Variants in TBC1D5 observed in about 807,000 individuals in gnomAD.
The protein encoded by TBC1D5 is TBC1 domain family member 5.
Under a neutral mutation model 100.3 loss-of-function variants are expected in TBC1D5, and 75 were observed. The ratio of observed to expected loss-of-function variants is 0.75; its 90% confidence interval spans 0.62 to 0.91. TBC1D5 has a LOEUF of 0.91. Among genes scored for constraint, TBC1D5 ranks in the 40% least tolerant of loss-of-function variants. TBC1D5 has a pLI of 0.00. For missense variants in TBC1D5, 910 were observed against 942.4 expected, an observed-to-expected ratio of 0.97 and a Z score of 0.45; for synonymous variants, 323 against 325.6, an observed-to-expected ratio of 0.99 and a Z score of 0.09.
chr3:17,354,524 T>C (rs930762651), intron 13 of TBC1D5, among the ~76,000 whole-genome samples: 2 of 152,110 alleles, frequency 1.3e-5, no homozygotes, highest in Non-Finnish European at 2.9e-5. Flanking sequence ...TGCTGTTAAA[T>C]ACCAGCTGGT....
intron 8 of TBC1D5, among the ~76,000 whole-genome samples, chr3:17,388,087 T>C (rs78538649): frequency 0.022 from 3,416 of 152,150 alleles, 122 homozygotes; most frequent in African/African-American, 0.077. Flanking sequence ...AAGTAGTCCA[T>C]AATGGAATTT....
At chr3:17,320,027 C>T (rs1318146270) in intron 13 of TBC1D5, among the ~76,000 whole-genome samples, 1 of 152,120 alleles carries the variant, frequency 6.6e-6, no homozygotes, top group African/African-American at 2.4e-5. Flanking sequence ...TGTATAGTAA[C>T]TTAAATAGTC....
intron 2 of TBC1D5, chr3:17,561,987 T>C (rs2096562178): frequency 6.6e-6 from 1 of 152,102 alleles, no homozygotes; most frequent in African/African-American, 2.4e-5. Flanking sequence ...AAAAAAACTT[T>C]GTTTCAATTA....
At chr3:17,495,894 A>C (rs1016579434) in intron 3 of TBC1D5, among the ~76,000 whole-genome samples, 1 of 152,258 alleles carries the variant, frequency 6.6e-6, no homozygotes, top group African/African-American at 2.4e-5. Context: ...TATTACAACT[A>C]AACTCTATTA....
intron 18 of TBC1D5, among the ~76,000 whole-genome samples, chr3:17,213,106 A>G (rs1464884726): frequency 6.6e-6 from 1 of 152,146 alleles, no homozygotes; most frequent in Non-Finnish European, 1.5e-5. Flanking sequence ...ACCTTACCTT[A>G]TATTTTTCTG....
At chr3:17,708,158 T>C (rs145352795) in intron 1 of TBC1D5, among the ~76,000 whole-genome samples, 4 of 152,334 alleles carry the variant, frequency 2.6e-5, no homozygotes, top group Admixed American at 6.5e-5. Flanking sequence ...ATTTTCCACA[T>C]TGTCAGTTAC....
chr3:17,654,836 G>A (rs2065905411), intron 1 of TBC1D5, among the ~76,000 whole-genome samples: 4 of 152,100 alleles, frequency 2.6e-5, no homozygotes, highest in African/African-American at 9.7e-5. Context: ...CACAATTTCA[G>A]AGCCTGTTAT....
intron 4 of TBC1D5, among the ~76,000 whole-genome samples, chr3:17,419,905 C>T (rs2094167847): frequency 6.6e-6 from 1 of 151,440 alleles, no homozygotes. Flanking sequence ...TGCTTTTTGC[C>T]CAGGCTGGTC....
chr3:17,619,170 T>G (rs758207727), intron 2 of TBC1D5, among the ~76,000 whole-genome samples: 3 of 152,016 alleles, frequency 2.0e-5, no homozygotes, highest in Non-Finnish European at 2.9e-5. Flanking sequence ...ACTGTACAAC[T>G]GAAAAAGAAA....
intron 15 of TBC1D5, among the ~76,000 whole-genome samples, chr3:17,274,075 A>G (rs2079723441): frequency 1.3e-5 from 2 of 152,112 alleles, no homozygotes; most frequent in South Asian, 2.1e-4. Flanking sequence ...CAGAATGCTC[A>G]TATTACCTTT....
intron 1 of TBC1D5, among the ~76,000 whole-genome samples, chr3:17,716,519 A>G (rs189368898): frequency 7.2e-5 from 11 of 152,290 alleles, no homozygotes; most frequent in Non-Finnish European, 1.5e-5. Flanking sequence ...CTTTTTCAAG[A>G]CAAATGCAAC....
chr3:17,419,897 C>G (rs751702961), intron 4 of TBC1D5, among the ~76,000 whole-genome samples: 1 of 152,026 alleles, frequency 6.6e-6, no homozygotes, highest in Non-Finnish European at 1.5e-5. Flanking sequence ...TGAGGTCTTG[C>G]TTTTTGCCCA....
intron 2 of TBC1D5, among the ~76,000 whole-genome samples, chr3:17,594,359 A>G (rs909221582): frequency 6.6e-6 from 1 of 152,210 alleles, no homozygotes; most frequent in Non-Finnish European, 1.5e-5. Context: ...GCAGGACTAC[A>G]AACGGTCCAG....
intron 8 of TBC1D5, among the ~76,000 whole-genome samples, chr3:17,387,728 T>C (rs538182360): frequency 1.3e-5 from 2 of 151,472 alleles, no homozygotes; most frequent in South Asian, 4.2e-4. Flanking sequence ...AACCCAAATA[T>C]CATTGGAAAG....
At chr3:17,650,874 T>C (rs565094609) in intron 1 of TBC1D5, among the ~76,000 whole-genome samples, 3 of 152,364 alleles carry the variant, frequency 2.0e-5, no homozygotes, top group Admixed American at 6.5e-5. Flanking sequence ...ACTTCATTTA[T>C]ACAAGGCAAT....
intron 2 of TBC1D5, among the ~76,000 whole-genome samples, chr3:17,542,238 C>G (rs2096365702): frequency 6.6e-6 from 1 of 152,188 alleles, no homozygotes; most frequent in African/African-American, 2.4e-5. Flanking sequence ...TTGCAGTGAG[C>G]TGAGATTGCA....
chr3:17,357,631 G>A (rs1177980587), intron 13 of TBC1D5, among the ~76,000 whole-genome samples: 1 of 152,152 alleles, frequency 6.6e-6, no homozygotes, highest in Admixed American at 6.5e-5. Context: ...TTGAGAAAGT[G>A]ACATTATTTA....
At chr3:17,510,178 T>C (rs2095888348) in intron 2 of TBC1D5, among the ~76,000 whole-genome samples, 1 of 152,054 alleles carries the variant, frequency 6.6e-6, no homozygotes, top group African/African-American at 2.4e-5. Flanking sequence ...TCTTCACCTA[T>C]GGAGGAAAAG....
chr3:17,412,555 G>A (rs1267402119), intron 4 of TBC1D5, among the ~76,000 whole-genome samples: 1 of 152,004 alleles, frequency 6.6e-6, no homozygotes, highest in Non-Finnish European at 1.5e-5. Context: ...TGTCAGTGGT[G>A]AAATATTTCA....
Sources: gnomAD v4.1 joint callset for allele counts (sites outside exome capture counted in the v4.1 genomes callset) on GRCh38, gnomAD v4.1.1 for gene constraint, MANE v1.5 for transcripts, NCBI Gene and HGNC (gene_info 2026-07-23, HGNC 2026-07-21) for gene names.